Variants in SHISA9 observed in about 807,000 individuals in gnomAD.
SHISA9 encodes shisa family member 9, also known as protein shisa-9.
A neutral mutation model predicts 38.0 loss-of-function variants in SHISA9; 13 were observed. The observed-to-expected ratio is 0.34, with a 90% CI of 0.22 to 0.54. SHISA9 has a LOEUF of 0.54. Among genes scored for constraint, SHISA9 ranks in the 20% least tolerant of loss-of-function variants. The probability of loss-of-function intolerance (pLI) is 0.91; values close to 1 mark genes in which losing one functional copy is unlikely to be tolerated. For missense variants in SHISA9, 538 were observed against 575.8 expected (o/e 0.93, Z 0.67); for synonymous variants, 275 against 242.0 (o/e 1.14, Z -1.27).
In SHISA9 at chr16:12,902,126, G is replaced by A. The variant is rs2071024676; in HGVS notation, c.62G>A (p.Cys21Tyr). 6.7e-7 allele frequency: 1 copy of A among 1,501,720 alleles called. No homozygotes were observed. The allele number at this position is 1,501,720 out of a possible 1,614,324, so 93.0% of individuals were successfully genotyped here. The change falls in exon 1 of 5, where the codon TGC (cysteine) becomes TAC (tyrosine). Residue 21 changes from cysteine (C) to tyrosine (Y), a missense_variant. This residue lies in a region of SHISA9 where 107 missense variants were observed against 103.0 expected (regional missense o/e 1.04). Coordinates refer to ENST00000558583, the MANE Select transcript of SHISA9 (RefSeq NM_001145204.3). Reference protein sequence around the residue: ...CFLTELCARVCRAQERAGHGQ... With the variant: ...CFLTELCARVYRAQERAGHGQ... ...CTCACCGAGCTGTGCGCCCGCGTGT[G>A]CCGGGCGCAGGAGCGAGCGGGACAC...
chr16:13,549,100 AAAT>A, the SHISA9 span, among the ~76,000 whole-genome samples: 5 of 152,212 alleles, frequency 3.3e-5, no homozygotes, highest in Non-Finnish European at 2.9e-5. Context: ...ATGTTAAGTG[AAAT>A]AAGCCAGGCA....
chr16:13,327,955 C>T, the SHISA9 span, among the ~76,000 whole-genome samples: 3 of 152,068 alleles, frequency 2.0e-5, no homozygotes, highest in Non-Finnish European at 4.4e-5. Context: ...CACTGTGCCC[C>T]GCCAAGGTTG....
chr16:12,964,349 G>GGT (rs778546578), intron 2 of SHISA9, among the ~76,000 whole-genome samples: 29 of 151,502 alleles, frequency 1.9e-4, no homozygotes, highest in Non-Finnish European at 1.6e-4. Flanking sequence ...AAACCACAGG[G>GGT]GTGATGGTGT....
the SHISA9 span, among the ~76,000 whole-genome samples, chr16:13,405,739 C>G: frequency 6.6e-6 from 1 of 152,050 alleles, no homozygotes; most frequent in African/African-American, 2.4e-5. Context: ...GTTTTCTGTT[C>G]CTGTTTTAAT....
At chr16:12,976,526 C>T (rs933431408) in intron 2 of SHISA9, among the ~76,000 whole-genome samples, 2 of 152,128 alleles carry the variant, frequency 1.3e-5, no homozygotes, top group East Asian at 1.9e-4. Context: ...TATTCCGCTC[C>T]TGTGTCAACA....
the SHISA9 span, among the ~76,000 whole-genome samples, chr16:13,417,238 C>T: frequency 1.3e-5 from 2 of 152,140 alleles, no homozygotes; most frequent in African/African-American, 4.8e-5. Flanking sequence ...GGTTGGCACC[C>T]GCAAAAGGAA....
chr16:13,136,917 C>T (rs1230369264), intron 2 of SHISA9, among the ~76,000 whole-genome samples: 2 of 152,098 alleles, frequency 1.3e-5, no homozygotes, highest in East Asian at 1.9e-4. Flanking sequence ...CGGTCATTGG[C>T]AGGTTCCTAA....
the SHISA9 span, among the ~76,000 whole-genome samples, chr16:13,257,160 C>A: frequency 6.6e-6 from 1 of 152,278 alleles, no homozygotes; most frequent in Non-Finnish European, 1.5e-5. Flanking sequence ...TCTTTCTCAG[C>A]CAAAGAGTTT....
At chr16:13,290,396 T>G in the SHISA9 span, among the ~76,000 whole-genome samples, 1 of 152,156 alleles carries the variant, frequency 6.6e-6, no homozygotes, top group African/African-American at 2.4e-5. Flanking sequence ...TTAGCCAAGA[T>G]GAGCACACCG....
At chr16:13,144,402 C>T (rs186794933) in intron 2 of SHISA9, among the ~76,000 whole-genome samples, 241 of 152,116 alleles carry the variant, frequency 1.6e-3, no homozygotes, top group African/African-American at 4.5e-3. Context: ...CTACCTGCCT[C>T]GGCCTCCCAA....
the SHISA9 span, among the ~76,000 whole-genome samples, chr16:13,419,841 C>A: frequency 2.0e-5 from 3 of 152,204 alleles, no homozygotes; most frequent in Middle Eastern, 3.4e-3. Flanking sequence ...TGGATTTGGC[C>A]CATGAACCAT....
chr16:13,283,444 C>A, the SHISA9 span, among the ~76,000 whole-genome samples: 3 of 152,052 alleles, frequency 2.0e-5, no homozygotes, highest in African/African-American at 7.2e-5. Flanking sequence ...CTCACAGTTC[C>A]AAATGGCTGG....
intron 1 of SHISA9, among the ~76,000 whole-genome samples, chr16:12,913,185 AT>A: frequency 6.6e-6 from 1 of 152,186 alleles, no homozygotes; most frequent in South Asian, 2.1e-4. Context: ...GGTTTTTGTC[AT>A]TACTTCTTTT....
the SHISA9 span, among the ~76,000 whole-genome samples, chr16:13,500,851 A>G: frequency 2.0e-5 from 3 of 152,326 alleles, no homozygotes; most frequent in Non-Finnish European, 4.4e-5. Context: ...AGACATATGA[A>G]CTAGAACTCC....
intron 2 of SHISA9, among the ~76,000 whole-genome samples, chr16:12,953,361 A>G (rs1324205823): frequency 6.6e-6 from 1 of 152,192 alleles, no homozygotes; most frequent in African/African-American, 2.4e-5. Context: ...ATGTGGAACT[A>G]TGATGAGCCC....
At chr16:13,335,559 A>T in the SHISA9 span, among the ~76,000 whole-genome samples, 1 of 152,216 alleles carries the variant, frequency 6.6e-6, no homozygotes, top group African/African-American at 2.4e-5. Context: ...TGCTCCGTAC[A>T]TAAAATCAGA....
At chr16:13,175,850 T>C in intron 2 of SHISA9, among the ~76,000 whole-genome samples, 1 of 152,092 alleles carries the variant, frequency 6.6e-6, no homozygotes, top group East Asian at 1.9e-4. Context: ...GGGGCTTTCC[T>C]TAGAACGTCA....
chr16:13,195,568 G>C (rs1201680634), intron 2 of SHISA9, among the ~76,000 whole-genome samples: 5 of 152,162 alleles, frequency 3.3e-5, no homozygotes, highest in Non-Finnish European at 2.9e-5. Flanking sequence ...ATGGCACACA[G>C]TGACTTCTTT....
chr16:12,934,740 C>G (rs991355186), intron 2 of SHISA9, among the ~76,000 whole-genome samples: 6 of 152,164 alleles, frequency 3.9e-5, no homozygotes, highest in African/African-American at 1.2e-4. Context: ...AAAGCCAAAG[C>G]CATCAATAAT....
Sources: gnomAD v4.1 joint callset for allele counts (sites outside exome capture counted in the v4.1 genomes callset) on GRCh38, gnomAD v4.1.1 for gene constraint, gnomAD v4.1.1 regional missense constraint, MANE v1.5 for transcripts, NCBI Gene and HGNC (gene_info 2026-07-23, HGNC 2026-07-21) for gene names.